The following DDX20 variants were observed in gnomAD, a reference collection of about 807,000 sequenced individuals.
DDX20 encodes the protein probable ATP-dependent RNA helicase DDX20.
In DDX20, 61 loss-of-function variants were observed where a neutral mutation model predicts 76.4. The observed-to-expected ratio is 0.80, with a 90% CI of 0.65 to 0.99. The LOEUF is 0.99. DDX20 is among the 50% of genes least tolerant of loss of function. The pLI is 0.00. For synonymous variants in DDX20, 357 were observed against 357.4 expected (o/e 1.00, Z 0.01); for missense variants, 976 against 996.8 (o/e 0.98, Z 0.28).
chr1:111,766,882 A>G lies in DDX20; in HGVS notation c.2458A>G (p.Met820Val). 6.2e-7 allele frequency: 1 copy of G among 1,609,688 alleles called. No individual in the cohort carries two copies. Among genetic ancestry groups the G allele is most frequent in the Non-Finnish European group, 8.5e-7 (1 of 1,178,256 alleles). The change falls in exon 11 of 11, where the codon ATG becomes GTG. Residue 820 changes from methionine to valine, a missense_variant. By Grantham distance (21) the Met-to-Val change is conservative. Coordinates refer to ENST00000369702, the MANE Select transcript of DDX20 (RefSeq NM_007204.5). The stretch of plus-strand genomic sequence containing the variant: ...GAATACCATTTATCTACAAGAAATG[A>G]TGCATAGTAACCAGTGATTATAGGA... ...HMNTIYLQEMMHSNQ is the reference protein window; with the variant it reads ...HMNTIYLQEMVHSNQ
rs1308000368 is a variant in DDX20 at position 111,761,348 on chromosome 1, G to A, written c.1021+64G>A. On this transcript the variant is annotated intron_variant, in intron 7 of 10. Transcript: ENST00000369702. ...TGACTTGAAGCCTCCAAAGTCAGGA[G>A]GAAAAAATACCACTTTATGAGTTGT... 4.4e-6 allele frequency: 6 copies of A among 1,363,208 alleles called. No individual in the cohort carries two copies. In the Admixed American group the frequency reaches 6.0e-5, roughly 14 times the overall value. The allele number at this position is 1,363,208 out of a possible 1,614,324, so 84.4% of individuals were successfully genotyped here.
intron 10 of DDX20, among the ~76,000 whole-genome samples, chr1:111,765,435 G>GA (rs1263590542): frequency 6.6e-6 from 1 of 152,154 alleles, no homozygotes; most frequent in Non-Finnish European, 1.5e-5. Flanking sequence ...AGGGAGGAGA[G>GA]AAAAGATGGG....
chr1:111,764,430 C>T (rs143676808), intron 10 of DDX20, among the ~76,000 whole-genome samples: 1 of 152,114 alleles, frequency 6.6e-6, no homozygotes, highest in Non-Finnish European at 1.5e-5. Flanking sequence ...TCTGGGAGTT[C>T]TATGTATTCT....
Position 111,765,895 on chromosome 1 carries a change from G to GACC in DDX20, c.1474_1476dup (p.His492dup). ...CCTTCAAATTCAGAAAGCTCATGGT[G>GACC]ACCACATGGCTTCCTCTAGAAATAA... On this transcript the variant is annotated inframe_insertion, in exon 11 of 11. Coordinates refer to ENST00000369702, the MANE Select transcript of DDX20 (RefSeq NM_007204.5). The GACC allele has an allele frequency of 6.2e-7, 1 of 1,614,038 alleles. No individual in the cohort carries two copies. The highest frequency in any genetic ancestry group is 1.1e-5 in the South Asian group (1 of 91,016).
In DDX20 at chr1:111,766,110, C is replaced by T. The variant is rs1663773144; in HGVS notation, c.1686C>T (p.His562=). Reference sequence around the variant, plus strand: ...TTGAAAACTCCACCAACAGTCAGCACCAGGTCAAAGAAGCTTTACCTGTGT... The same window carrying T: ...TTGAAAACTCCACCAACAGTCAGCATCAGGTCAAAGAAGCTTTACCTGTGT... ...TPVENSTNSQ[H]QVKEALPVSL... Residue 562 remains histidine (H), a synonymous_variant, in exon 11 of 11, where the codon CAC becomes CAT. Coordinates refer to ENST00000369702, the MANE Select transcript of DDX20 (RefSeq NM_007204.5). 1.9e-6 allele frequency: 3 copies of T among 1,614,072 alleles called. No homozygotes were observed. The highest frequency in any genetic ancestry group is 1.7e-5 in the Admixed American group (1 of 59,992).
chr1:111,756,629 G>A lies in DDX20; in HGVS notation c.302-17G>A, dbSNP rs374255262. On this transcript the variant is annotated splice_polypyrimidine_tract_variant and intron_variant, in intron 1 of 10. Coordinates refer to ENST00000369702, the MANE Select transcript of DDX20 (RefSeq NM_007204.5). ...CAGTGAGTACTGGCTAGTGATAATTGTTTTTTTCCTTCGCAGATTTAATTG... is the reference window on the plus strand; with the variant it reads ...CAGTGAGTACTGGCTAGTGATAATTATTTTTTTCCTTCGCAGATTTAATTG... 3.1e-6 allele frequency: 5 copies of A among 1,611,904 alleles called. No homozygotes were observed. The highest frequency in any genetic ancestry group is 4.2e-6 in the Non-Finnish European group (5 of 1,178,284).
rs1173545672 is a variant in DDX20 at position 111,766,212 on chromosome 1, G to GATAA, written c.1788_1789insATAA (p.Asp597IlefsTer4). ...CGTTGACTTTTGCTGAATTGGTAGA[G>GATAA]GATTATGAACATTATATTAAAGAGG... On this transcript the variant is annotated frameshift_variant, in exon 11 of 11. Transcript: ENST00000369702. LOFTEE classifies it high-confidence loss of function. 1.9e-6 allele frequency: 3 copies of GATAA among 1,614,124 alleles called. No homozygotes were observed. In the Admixed American group the frequency reaches 5.0e-5, roughly 27 times the overall value.
chr1:111,762,980 T>G lies in DDX20; in HGVS notation c.1285T>G (p.Cys429Gly). Residue 429 changes from cysteine (C) to glycine (G), a missense_variant, in exon 10 of 11, where the codon TGT (cysteine) becomes GGT (glycine). Physicochemically the swap from Cys to Gly is radical, Grantham distance 159. Around this residue, in one of 3 missense-constraint regions of DDX20, gnomAD observed 630 missense variants for 693.7 expected, o/e 0.91. Coordinates refer to ENST00000369702, the MANE Select transcript of DDX20 (RefSeq NM_007204.5). Reference protein sequence around the residue: ...ENMMMRIAQKCNINLLPLPDP... With the variant: ...ENMMMRIAQKGNINLLPLPDP... ...TATGATGATGAGAATTGCCCAGAAA[T>G]GTAATATCAACCTTCTCCCTTTACC... 1 of 1,613,784 alleles carries G rather than the reference T, an allele frequency of 6.2e-7. No individual in the cohort carries two copies. Among genetic ancestry groups the G allele is most frequent in the Non-Finnish European group, 8.5e-7 (1 of 1,179,716 alleles).
chr1:111,765,889 C>T lies in DDX20; in HGVS notation c.1465C>T (p.His489Tyr). ...IERTLQIQKA[H>Y]GDHMASSRNN... The stretch of plus-strand genomic sequence containing the variant: ...GAGAACCCTTCAAATTCAGAAAGCT[C>T]ATGGTGACCACATGGCTTCCTCTAG... Residue 489 changes from histidine (H) to tyrosine (Y), a missense_variant, in exon 11 of 11, where the codon CAT becomes TAT. This residue lies in a region of DDX20 where 630 missense variants were observed against 693.7 expected (regional missense o/e 0.91). Transcript: ENST00000369702. The T allele has an allele frequency of 6.2e-7, 1 of 1,614,102 alleles. No homozygotes were observed. Among genetic ancestry groups the T allele is most frequent in the Non-Finnish European group, 8.5e-7 (1 of 1,180,002 alleles).
Position 111,765,987 on chromosome 1 carries a change from C to T in DDX20, c.1563C>T (p.His521=). ...AACAAAAGCTTCCTGTGAAAAGCCA[C>T]TCAGAATGTGGAATCATAGAAAAAG... ...NTKQKLPVKS[H]SECGIIEKAT... is the part of the protein sequence containing the mutation. The change falls in exon 11 of 11, where the codon CAC becomes CAT. Residue 521 remains histidine (H), a synonymous_variant. Transcript: ENST00000369702. The T allele has an allele frequency of 6.2e-7, 1 of 1,614,072 alleles. No homozygotes were observed. The highest frequency in any genetic ancestry group is 8.5e-7 in the Non-Finnish European group (1 of 1,180,004).
At position 111,760,804 on chromosome 1, in the gene DDX20, A is replaced by T; in HGVS notation, c.779A>T (p.Asp260Val). The T allele has an allele frequency of 6.2e-7, 1 of 1,613,692 alleles. No homozygotes were observed. Among genetic ancestry groups the T allele is most frequent in the Non-Finnish European group, 8.5e-7 (1 of 1,179,888 alleles). Residue 260 changes from aspartate to valine, a missense_variant, in exon 5 of 11, where the codon GAT becomes GTT. Asp to Val is a radical substitution (Grantham distance 152, BLOSUM62 -3). This residue lies in a region of DDX20 where 630 missense variants were observed against 693.7 expected (regional missense o/e 0.91). Transcript: ENST00000369702. ...LANALTKYMR[D>V]PTFVRLNSSD... The stretch of plus-strand genomic sequence containing the variant: ...AATGCTTTGACAAAGTACATGAGAG[A>T]TCCCACTTTTGTAAGACTGAATTCC...
At chr1:111,757,572 G>T (rs1427799103) in intron 2 of DDX20, among the ~76,000 whole-genome samples, 1 of 152,172 alleles carries the variant, frequency 6.6e-6, no homozygotes, top group Non-Finnish European at 1.5e-5. Context: ...AGCCTTACTT[G>T]GTAGTTTAGT....
chr1:111,765,118 C>A (rs1336649472), intron 10 of DDX20, among the ~76,000 whole-genome samples: 1 of 152,146 alleles, frequency 6.6e-6, no homozygotes, highest in South Asian at 2.1e-4. Context: ...ATTGTCACAC[C>A]TGGATGGAAT....
chr1:111,760,656 T>A, intron 4 of DDX20, 50 bp from the exon 5 acceptor site: 1 of 1,600,160 alleles, frequency 6.2e-7, no homozygotes, highest in Non-Finnish European at 8.5e-7. Flanking sequence ...CTTTTCCAAG[T>A]GGTGATTATT....
chr1:111,765,303 T>G (rs1663757674), intron 10 of DDX20, among the ~76,000 whole-genome samples: 1 of 152,222 alleles, frequency 6.6e-6, no homozygotes, highest in Admixed American at 6.5e-5. Context: ...ACAGATTTAG[T>G]TGGGTGTACA....
chr1:111,763,044 T>C, intron 10 of DDX20, 37 bp downstream of exon 10: 2 of 1,465,330 alleles, frequency 1.4e-6, no homozygotes, highest in Non-Finnish European at 1.9e-6. Context: ...AAAATAATTA[T>C]AGTGGTGATA....
At chr1:111,759,968 C>T (rs1377672300) in intron 3 of DDX20, among the ~76,000 whole-genome samples, 3 of 106,216 alleles carry the variant, frequency 2.8e-5, no homozygotes, top group African/African-American at 8.3e-5. Flanking sequence ...AGCGAGACTC[C>T]ATCTCAAAAA....
In DDX20 at chr1:111,756,006, C is replaced by T. The variant is rs761064156; in HGVS notation, c.82C>T (p.Pro28Ser). ...MPAEHVAVQV[P>S]APEPTPGPVR... ...GGCTGAGCATGTGGCCGTGCAGGTC[C>T]CGGCCCCAGAGCCAACACCCGGGCC... The change falls in exon 1 of 11, where the codon CCG becomes TCG. Residue 28 changes from proline to serine, a missense_variant. Transcript: ENST00000369702. 4.4e-6 allele frequency: 7 copies of T among 1,608,614 alleles called. No individual in the cohort carries two copies. The East Asian group carries it at 1.3e-4, about 31-fold the overall frequency.
At position 111,766,831 on chromosome 1, in the gene DDX20, C is replaced by T; in HGVS notation, c.2407C>T (p.Pro803Ser). 1 of 1,614,058 alleles carries T rather than the reference C, an allele frequency of 6.2e-7. No individual in the cohort carries two copies. Among genetic ancestry groups the T allele is most frequent in the Non-Finnish European group, 8.5e-7 (1 of 1,179,944 alleles). Reference sequence around the variant, plus strand: ...ATATTATTGGAATGCTCAGAGACATCCAAGTTGGATGGCAGCTTATCACAT... The same window carrying T: ...ATATTATTGGAATGCTCAGAGACATTCAAGTTGGATGGCAGCTTATCACAT... The part of the protein sequence containing the change: ...HSYYWNAQRH[P>S]SWMAAYHMNT... Residue 803 changes from proline (P) to serine (S), a missense_variant, in exon 11 of 11, where the codon CCA (proline) becomes TCA (serine). Transcript: ENST00000369702.
Sources: allele counts gnomAD v4.1 joint callset (sites outside exome capture counted in the v4.1 genomes callset), GRCh38; gene constraint gnomAD v4.1.1; regional missense constraint gnomAD v4.1.1; transcripts MANE v1.5; gene names NCBI Gene and HGNC (gene_info 2026-07-23, HGNC 2026-07-21).